LDLRAD3: variants seen among roughly 807,000 people sequenced by gnomAD.
LDLRAD3 encodes low-density lipoprotein receptor class A domain-containing protein 3.
LDLRAD3 carries 20 observed loss-of-function variants against 29.4 expected under a neutral mutation model. The ratio of observed to expected loss-of-function variants is 0.68; its 90% CI spans 0.48 to 0.99. The LOEUF is 0.99. Ranked by LOEUF, LDLRAD3 falls within the 50% of genes least tolerant of loss-of-function variation. The pLI, the probability that LDLRAD3 is intolerant of heterozygous loss-of-function variation, is 0.00. For missense variants in LDLRAD3, 420 were observed against 454.3 expected (o/e 0.92, Z 0.69); for synonymous variants, 157 against 192.7 (o/e 0.81, Z 1.53).
intron 4 of LDLRAD3, among the ~76,000 whole-genome samples, chr11:36,128,714 T>G (rs1434582840): frequency 6.6e-6 from 1 of 152,064 alleles, no homozygotes; most frequent in Admixed American, 6.5e-5. Context: ...CCTGGTGTGG[T>G]GATAGGCACC....
At chr11:35,963,419 CTG>C (rs555627765) in intron 1 of LDLRAD3, among the ~76,000 whole-genome samples, 1,624 of 147,520 alleles carry the variant, frequency 0.011, 52 homozygotes, top group East Asian at 0.11. Flanking sequence ...TCTCCCAGTT[CTG>C]TGTGTGTGTG....
chr11:36,100,017 T>TG (rs747239474), intron 4 of LDLRAD3, among the ~76,000 whole-genome samples: 152 of 152,160 alleles, frequency 1.0e-3, no homozygotes, highest in Non-Finnish European at 1.8e-3. Context: ...ACTCCGAAAA[T>TG]GCAGTTGTTC....
At chr11:36,181,815 ATTGT>A (rs1854767768) in intron 4 of LDLRAD3, among the ~76,000 whole-genome samples, 1 of 152,172 alleles carries the variant, frequency 6.6e-6, no homozygotes, top group South Asian at 2.1e-4. Flanking sequence ...GTGTCATTAA[ATTGT>A]TAGTTAGAAG....
intron 4 of LDLRAD3, among the ~76,000 whole-genome samples, chr11:36,119,226 T>C (rs1051443350): frequency 1.3e-5 from 2 of 152,362 alleles, no homozygotes. Flanking sequence ...TATCAGCTTC[T>C]GGATTTTTTT....
intron 4 of LDLRAD3, among the ~76,000 whole-genome samples, chr11:36,127,436 T>C (rs1853854287): frequency 6.6e-6 from 1 of 152,232 alleles, no homozygotes; most frequent in South Asian, 2.1e-4. Flanking sequence ...TGTCTCAGTT[T>C]CACCATCTGT....
At chr11:36,158,127 T>C (rs1590317987) in intron 4 of LDLRAD3, among the ~76,000 whole-genome samples, 1 of 152,190 alleles carries the variant, frequency 6.6e-6, no homozygotes, top group East Asian at 1.9e-4. Flanking sequence ...CTGTACTTAT[T>C]ATACTATTTG....
intron 2 of LDLRAD3, among the ~76,000 whole-genome samples, chr11:36,078,914 C>T (rs907209378): frequency 6.6e-6 from 1 of 152,186 alleles, no homozygotes; most frequent in African/African-American, 2.4e-5. Flanking sequence ...AGGGCCAGTC[C>T]CATAAGTCCC....
chr11:36,154,024 C>A (rs1479865716), intron 4 of LDLRAD3, among the ~76,000 whole-genome samples: 3 of 152,132 alleles, frequency 2.0e-5, no homozygotes, highest in Admixed American at 1.3e-4. Flanking sequence ...TCATCCCAGA[C>A]TGAAGGCCAG....
In LDLRAD3 at chr11:36,213,604, G is replaced by A. The variant is rs936328730; in HGVS notation, c.455-13481G>A. On this transcript the variant is annotated intron_variant, in intron 4 of 5. Transcript: ENST00000315571. The surrounding 1 kb of genome is among the most constrained non-coding windows in gnomAD (Gnocchi z 4.1). ...AAGTGTGGCTGCCACTGTGGCAGAG[G>A]CCATGGTAGGAGGCATGCAGGAGTG... is the stretch of plus-strand genomic sequence containing the variant. 2.6e-5 allele frequency among the ~76,000 whole-genome samples: 4 copies of A among 152,178 alleles called. No individual in the cohort carries two copies. Among genetic ancestry groups the A allele is most frequent in the African/African-American group, 9.6e-5 (4 of 41,454 alleles).
chr11:36,174,063 A>G (rs1418572542), intron 4 of LDLRAD3, among the ~76,000 whole-genome samples: 2 of 152,216 alleles, frequency 1.3e-5, no homozygotes, highest in South Asian at 2.1e-4. Context: ...AATACTACAC[A>G]TCTGCAACCA....
chr11:36,104,593 A>G lies in LDLRAD3; in HGVS notation c.454+6132A>G, dbSNP rs552632096. ...GTTTATAAGAATAGCAAACATTTGGAGTACTAACTGCATGTCAGGCACCAT... is the reference window on the plus strand; with the variant it reads ...GTTTATAAGAATAGCAAACATTTGGGGTACTAACTGCATGTCAGGCACCAT... On this transcript the variant is annotated intron_variant, in intron 4 of 5. Coordinates refer to ENST00000315571, the MANE Select transcript of LDLRAD3 (RefSeq NM_174902.4). Among the ~76,000 whole-genome samples the G allele has an allele frequency of 1.7e-4, 26 of 152,248 alleles. 1 individual carries two copies. In the South Asian group the frequency reaches 5.4e-3, roughly 32 times the overall value.
chr11:36,173,987 A>G (rs1590331055), intron 4 of LDLRAD3, among the ~76,000 whole-genome samples: 1 of 152,344 alleles, frequency 6.6e-6, no homozygotes, highest in Admixed American at 6.5e-5. Context: ...CAGTAACCAA[A>G]ACAGCATGAT....
intron 1 of LDLRAD3, among the ~76,000 whole-genome samples, chr11:36,029,730 T>A (rs556749939): frequency 6.6e-6 from 1 of 152,246 alleles, no homozygotes; most frequent in East Asian, 1.9e-4. Flanking sequence ...AGCCATTGGC[T>A]TTCTTTACTA....
At chr11:36,161,414 T>A (rs910029280) in intron 4 of LDLRAD3, among the ~76,000 whole-genome samples, 2 of 152,162 alleles carry the variant, frequency 1.3e-5, no homozygotes, top group African/African-American at 4.8e-5. Flanking sequence ...TACAAACTTT[T>A]ACAAATAGCA....
At chr11:35,990,402 A>G (rs1851672919) in intron 1 of LDLRAD3, among the ~76,000 whole-genome samples, 1 of 151,888 alleles carries the variant, frequency 6.6e-6, no homozygotes, top group Non-Finnish European at 1.5e-5. Context: ...TGGCAGCTGC[A>G]TAACTTCAAT....
At chr11:36,184,031 T>C in intron 4 of LDLRAD3, 1 of 302,076 alleles carries the variant, frequency 3.3e-6, no homozygotes, top group Non-Finnish European at 6.4e-6. Context: ...CAGTGGCACA[T>C]CTCGGCTCAC....
At chr11:36,059,523 G>A (rs960322307) in intron 2 of LDLRAD3, among the ~76,000 whole-genome samples, 1 of 145,516 alleles carries the variant, frequency 6.9e-6, no homozygotes, top group African/African-American at 2.4e-5. Flanking sequence ...TGGGCACTCT[G>A]CTTCAGCCCC....
Position 35,944,081 on chromosome 11 carries a change from G to T in LDLRAD3, c.-18G>T, listed in dbSNP as rs1338095386. On this transcript the variant is annotated 5_prime_UTR_variant, in exon 1 of 6. Coordinates refer to ENST00000315571, the MANE Select transcript of LDLRAD3 (RefSeq NM_174902.4). The surrounding 1 kb of genome is among the most constrained non-coding windows in gnomAD (Gnocchi z 4.9). ...GGGGGCAGCAACGACGCCGGGCAGC[G>T]GGAGCGGCGGCCGCGCCATGTGGCT... The T allele has an allele frequency of 2.8e-6, 3 of 1,076,418 alleles. No individual in the cohort carries two copies. The highest frequency in any genetic ancestry group is 3.4e-6 in the Non-Finnish European group (3 of 889,362). 66.7% of individuals were successfully genotyped at this position (1,076,418 alleles called of 1,614,324 possible). A position where few individuals can be genotyped will look rare whatever the true frequency, so the allele number is the denominator to read the frequency against.
At chr11:36,155,334 A>G (rs1294389411) in intron 4 of LDLRAD3, among the ~76,000 whole-genome samples, 1 of 152,120 alleles carries the variant, frequency 6.6e-6, no homozygotes, top group African/African-American at 2.4e-5. Flanking sequence ...GGGTCCTTTG[A>G]AGCTCTGCCT....
Sources: allele counts gnomAD v4.1 joint callset (sites outside exome capture counted in the v4.1 genomes callset), GRCh38; gene constraint gnomAD v4.1.1; non-coding constraint Gnocchi (gnomAD v3.1); transcripts MANE v1.5; gene names NCBI Gene and HGNC (gene_info 2026-07-23, HGNC 2026-07-21).